The following ZFR variants were observed in gnomAD, a reference collection of about 807,000 sequenced individuals.
ZFR encodes zinc finger RNA binding protein.
A neutral mutation model predicts 130.7 loss-of-function variants in ZFR; 19 were observed. The observed-to-expected ratio is 0.15, with a 90% confidence interval of 0.10 to 0.21. The LOEUF is 0.21. ZFR is among the 10% of genes least tolerant of loss of function. The pLI, the probability that ZFR is intolerant of heterozygous loss-of-function variation, is 1.00. For synonymous variants in ZFR, 466 were observed against 456.9 expected, an observed-to-expected ratio of 1.02 and a Z score of -0.25; for missense variants, 872 against 1,321.5, an observed-to-expected ratio of 0.66 and a Z score of 5.27.
At chr5:32,432,687 A>T (rs1460028372) in intron 2 of ZFR, among the ~76,000 whole-genome samples, 2 of 152,042 alleles carry the variant, frequency 1.3e-5, no homozygotes, top group East Asian at 3.9e-4. Flanking sequence ...ATGTTATTAT[A>T]ATAATAATTT....
chr5:32,427,388 A>T (rs932871360), intron 2 of ZFR, among the ~76,000 whole-genome samples: 1 of 151,150 alleles, frequency 6.6e-6, no homozygotes, highest in African/African-American at 2.4e-5. Context: ...AAAAAAAAAA[A>T]AAAAAAAAGG....
chr5:32,362,974 C>T (rs111301903), intron 19 of ZFR, among the ~76,000 whole-genome samples: 1,604 of 152,180 alleles, frequency 0.011, 29 homozygotes, highest in African/African-American at 0.037. Context: ...TATCTTCTTC[C>T]CTAGAATATA....
At chr5:32,429,142 C>T (rs1333664400) in intron 2 of ZFR, among the ~76,000 whole-genome samples, 2 of 152,090 alleles carry the variant, frequency 1.3e-5, no homozygotes, top group African/African-American at 4.8e-5. Context: ...CCCGCCACCA[C>T]GCCCGGCTAA....
chr5:32,416,638 C>A (rs1753832936), intron 4 of ZFR, among the ~76,000 whole-genome samples: 2 of 142,878 alleles, frequency 1.4e-5, no homozygotes, highest in Non-Finnish European at 3.1e-5. Context: ...AGAGAAGAGA[C>A]CACAGGAATA....
chr5:32,365,717 A>G (rs1752526701), intron 17 of ZFR, among the ~76,000 whole-genome samples: 1 of 150,898 alleles, frequency 6.6e-6, no homozygotes, highest in African/African-American at 2.4e-5. Context: ...GGTTGCAGTG[A>G]GCTGTGGTCG....
chr5:32,417,596 G>A, intron 4 of ZFR, 52 bp downstream of exon 4: 2 of 1,599,570 alleles, frequency 1.3e-6, no homozygotes, highest in Non-Finnish European at 1.7e-6. Context: ...AACGCAGTAA[G>A]TCATATACTT....
intron 17 of ZFR, among the ~76,000 whole-genome samples, chr5:32,366,238 C>T (rs1432786359): frequency 1.3e-5 from 2 of 152,092 alleles, no homozygotes; most frequent in African/African-American, 4.8e-5. Context: ...GATTAAAACA[C>T]AAAATTGAAG....
At chr5:32,415,686 G>C (rs11954183) in intron 4 of ZFR, among the ~76,000 whole-genome samples, 1 of 151,936 alleles carries the variant, frequency 6.6e-6, no homozygotes, top group Non-Finnish European at 1.5e-5. Flanking sequence ...TTTTTCCATA[G>C]TGAACTACAA....
chr5:32,430,159 GAA>G (rs1409076591), intron 2 of ZFR, among the ~76,000 whole-genome samples: 1 of 139,990 alleles, frequency 7.1e-6, no homozygotes, highest in Non-Finnish European at 1.6e-5. Flanking sequence ...AGAATTAAAA[GAA>G]AAAAATTTTT....
chr5:32,385,713 A>T, intron 14 of ZFR, 64 bp from the exon 15 acceptor site: 1 of 1,573,074 alleles, frequency 6.4e-7, no homozygotes, highest in Non-Finnish European at 8.7e-7. Context: ...AAGCACTTTC[A>T]TTATGGCTCT....
At chr5:32,396,152 G>A (rs1451974649) in intron 10 of ZFR, among the ~76,000 whole-genome samples, 1 of 151,456 alleles carries the variant, frequency 6.6e-6, no homozygotes, top group Non-Finnish European at 1.5e-5. Flanking sequence ...CCGGGAGGTT[G>A]CAGTGAGCCA....
At chr5:32,399,936 G>T in intron 9 of ZFR, 71 bp downstream of exon 9, 4 of 1,290,624 alleles carry the variant, frequency 3.1e-6, no homozygotes, top group South Asian at 3.6e-5. Context: ...AATTTTACAC[G>T]TAACATATGC....
chr5:32,411,721 G>GGGGGGA (rs1753717825), intron 5 of ZFR, among the ~76,000 whole-genome samples: 1 of 100,464 alleles, frequency 1.0e-5, no homozygotes, highest in African/African-American at 4.7e-5. Context: ...GGGGGGCGGG[G>GGGGGGA]AATAGAAAAT....
intron 17 of ZFR, among the ~76,000 whole-genome samples, chr5:32,371,351 C>T (rs1016778417): frequency 6.6e-6 from 1 of 152,174 alleles, no homozygotes; most frequent in Non-Finnish European, 1.5e-5. Flanking sequence ...GTTTAGATGA[C>T]AGAGCAGGAC....
intron 2 of ZFR, among the ~76,000 whole-genome samples, chr5:32,443,852 T>C (rs1581723420): frequency 1.3e-5 from 2 of 152,142 alleles, no homozygotes; most frequent in East Asian, 1.9e-4. Flanking sequence ...GGGAAGAAGA[T>C]GGGAGGTGGG....
At chr5:32,361,954 T>G (rs1182940985) in intron 19 of ZFR, among the ~76,000 whole-genome samples, 1 of 152,128 alleles carries the variant, frequency 6.6e-6, no homozygotes, top group African/African-American at 2.4e-5. Flanking sequence ...AATGAAGGAA[T>G]ACTCCAGTAA....
chr5:32,444,243 AGCC>A lies in ZFR; in HGVS notation c.120_122del (p.Ala43del), dbSNP rs772338532. The A allele has an allele frequency of 1.0e-4, 159 of 1,580,054 alleles. No homozygotes were observed. The highest frequency in any genetic ancestry group is 2.6e-4 in the Admixed American group (14 of 54,784). ...GATGCCGTTACCTATATTGGGCCGC[AGCC>A]GCCGCCGCCGCCGCCCCGCTGTGGG... On this transcript the variant is annotated inframe_deletion, in exon 2 of 20. Transcript: ENST00000265069.
intron 5 of ZFR, among the ~76,000 whole-genome samples, chr5:32,411,685 T>A (rs1753711626): frequency 2.2e-5 from 1 of 46,324 alleles, no homozygotes; most frequent in Admixed American, 3.8e-4. Flanking sequence ...TGAGATGCTG[T>A]CTCAAAAAAA....
chr5:32,375,450 CT>C (rs1752781907), intron 17 of ZFR, among the ~76,000 whole-genome samples: 1 of 152,008 alleles, frequency 6.6e-6, no homozygotes, highest in Non-Finnish European at 1.5e-5. Context: ...CTAGAATTAT[CT>C]TTTAATTAAA....
Sources: gnomAD v4.1 joint callset for allele counts (sites outside exome capture counted in the v4.1 genomes callset) on GRCh38, gnomAD v4.1.1 for gene constraint, MANE v1.5 for transcripts, NCBI Gene and HGNC (gene_info 2026-07-23, HGNC 2026-07-21) for gene names.